The following TBC1D14 variants were observed in gnomAD, a reference collection of about 807,000 sequenced individuals.
TBC1D14 encodes the protein TBC1 domain family member 14, also known as TBC1 domain family, member 14.
TBC1D14 carries 26 observed loss-of-function variants against 79.0 expected under a neutral mutation model. The ratio of observed to expected loss-of-function variants is 0.33; its 90% CI spans 0.24 to 0.46. The LOEUF (loss-of-function observed/expected upper bound fraction) is 0.46. Ranked by LOEUF, TBC1D14 falls within the 20% of genes least tolerant of loss-of-function variation. The pLI, the probability that TBC1D14 is intolerant of heterozygous loss-of-function variation, is 1.00. For missense variants in TBC1D14, 769 were observed against 887.6 expected (o/e 0.87, Z 1.70); for synonymous variants, 394 against 349.9 (o/e 1.13, Z -1.40).
intron 2 of TBC1D14, among the ~76,000 whole-genome samples, chr4:6,956,847 A>G (rs1006461189): frequency 1.3e-5 from 2 of 152,166 alleles, no homozygotes; most frequent in Non-Finnish European, 2.9e-5. Context: ...CCTTCTCACC[A>G]AGAGAGCCGC....
Position 6,989,789 on chromosome 4 carries a change from A to G in TBC1D14, c.844-4395A>G, listed in dbSNP as rs566069125. ...CATGAGACTGGGGCTCTGCTCAGGC[A>G]CCCTGCCTCCCTGCCTTTTTTCTTC... On this transcript the variant is annotated intron_variant, in intron 3 of 13. Transcript: ENST00000409757. Among the ~76,000 whole-genome samples, 30 of 152,090 alleles carry G rather than the reference A, an allele frequency of 2.0e-4. 2 individuals carry two copies. The South Asian group carries it at 6.2e-3, about 32-fold the overall frequency.
chr4:6,967,471 G>A (rs1228244523), intron 3 of TBC1D14, 47 bp downstream of exon 3: 1 of 1,597,700 alleles, frequency 6.3e-7, no homozygotes, highest in Non-Finnish European at 8.5e-7. Context: ...GATGTGTTTA[G>A]CATATATTCA....
intron 11 of TBC1D14, among the ~76,000 whole-genome samples, chr4:7,011,383 G>A (rs948948481): frequency 3.9e-5 from 6 of 152,084 alleles, no homozygotes; most frequent in South Asian, 2.1e-4. Flanking sequence ...AGCCCTCTGC[G>A]CAGTTCAGGT....
At chr4:6,981,650 C>T (rs1266972831) in intron 3 of TBC1D14, among the ~76,000 whole-genome samples, 5 of 152,172 alleles carry the variant, frequency 3.3e-5, no homozygotes, top group African/African-American at 9.6e-5. Flanking sequence ...AATTGAATCC[C>T]ATAATACATT....
intron 3 of TBC1D14, among the ~76,000 whole-genome samples, chr4:6,979,301 C>T (rs567142882): frequency 5.5e-4 from 84 of 152,260 alleles, no homozygotes; most frequent in African/African-American, 1.9e-3. Context: ...TTGTGTGTCT[C>T]AATACTCAGT....
chr4:7,010,263 G>C (rs1228890971), intron 10 of TBC1D14, among the ~76,000 whole-genome samples: 1 of 152,240 alleles, frequency 6.6e-6, no homozygotes, highest in Admixed American at 6.5e-5. Flanking sequence ...AAGCACTGCT[G>C]ATACTTCTGT....
chr4:6,923,645 G>C lies in TBC1D14; in HGVS notation c.256G>C (p.Val86Leu), dbSNP rs570309392. The change falls in exon 2 of 14, where the codon GTG becomes CTG. Residue 86 changes from valine (V) to leucine (L), a missense_variant. Around this residue, in one of 2 missense-constraint regions of TBC1D14, gnomAD observed 402 missense variants for 393.2 expected, o/e 1.02. Transcript: ENST00000409757. ...PEPVPCSAVHVRRKQSDSDLI... is the reference protein window; with the variant it reads ...PEPVPCSAVHLRRKQSDSDLI... ...GCCTGTACCCTGCAGCGCGGTCCAC[G>C]TGAGGAGGAAGCAGTCCGACTCCGA... is the stretch of plus-strand genomic sequence containing the variant. 3 of 1,613,846 alleles carry C rather than the reference G, an allele frequency of 1.9e-6. No individual in the cohort carries two copies. The highest frequency in any genetic ancestry group is 1.3e-5 in the African/African-American group (1 of 74,962).
chr4:6,912,405 TAAA>T (rs989738893), intron 1 of TBC1D14, among the ~76,000 whole-genome samples: 15 of 151,478 alleles, frequency 9.9e-5, no homozygotes, highest in African/African-American at 3.4e-4. Flanking sequence ...ATAAAAAAAA[TAAA>T]AAAATAAAAA....
intron 13 of TBC1D14, among the ~76,000 whole-genome samples, chr4:7,027,575 C>T (rs1182624348): frequency 2.7e-5 from 4 of 148,186 alleles, no homozygotes; most frequent in Admixed American, 6.7e-5. Context: ...CCGACACGCA[C>T]ATCACACACC....
intron 2 of TBC1D14, among the ~76,000 whole-genome samples, chr4:6,925,046 A>G (rs188547518): frequency 2.0e-4 from 30 of 152,190 alleles, no homozygotes; most frequent in East Asian, 1.4e-3. Flanking sequence ...TAATCTCAAC[A>G]CTTTGGGAGG....
intron 13 of TBC1D14, among the ~76,000 whole-genome samples, chr4:7,027,703 C>G (rs12646699): frequency 0.83 from 72,077 of 87,362 alleles, 29,696 homozygotes; most frequent in East Asian, 0.95. Context: ...ACCCCCCACA[C>G]ATCACACAAC....
chr4:7,006,723 G>A lies in TBC1D14; in HGVS notation c.1443G>A (p.Gln481=). The A allele has an allele frequency of 6.2e-7, 1 of 1,613,154 alleles. No individual in the cohort carries two copies. Among genetic ancestry groups the A allele is most frequent in the African/African-American group, 1.3e-5 (1 of 75,022 alleles). The change falls in exon 9 of 14, where the codon CAG becomes CAA. Residue 481 remains glutamine, a synonymous_variant. Transcript: ENST00000409757. ...SRTFPNLCIF[Q]QGGPYHDMLH... ...CATTTCCTAATCTCTGCATTTTCCAGCAAGTAAGTGGTGGTGACTTGTTGC... is the reference window on the plus strand; with the variant it reads ...CATTTCCTAATCTCTGCATTTTCCAACAAGTAAGTGGTGGTGACTTGTTGC...
chr4:7,019,764 A>G (rs1243027148), intron 12 of TBC1D14, among the ~76,000 whole-genome samples: 197 of 75,026 alleles, frequency 2.6e-3, no homozygotes, highest in Middle Eastern at 0.018. Context: ...GGCTCAGGTC[A>G]GGGAGGACTC....
At chr4:6,920,060 G>A (rs1044667439) in intron 1 of TBC1D14, among the ~76,000 whole-genome samples, 6 of 151,706 alleles carry the variant, frequency 4.0e-5, no homozygotes, top group Non-Finnish European at 7.4e-5. Context: ...GACTACAGGT[G>A]TGCACTACCA....
At position 6,923,834 on chromosome 4, in the gene TBC1D14, A is replaced by G. The variant is rs1469518487; in HGVS notation, c.445A>G (p.Thr149Ala). ...CTATAGCCCGACCTCCAAAGCCCTG[A>G]CCCGCAGCGATGATGTCTCCGTCTG... ...KLYSPTSKALTRSDDVSVCSV... is the reference protein window; with the variant it reads ...KLYSPTSKALARSDDVSVCSV... The change falls in exon 2 of 14, where the codon ACC (threonine) becomes GCC (alanine). Residue 149 changes from threonine to alanine, a missense_variant. Coordinates refer to ENST00000409757, the MANE Select transcript of TBC1D14 (RefSeq NM_020773.3). The G allele has an allele frequency of 6.2e-7, 1 of 1,614,068 alleles. No homozygotes were observed. Among genetic ancestry groups the G allele is most frequent in the South Asian group, 1.1e-5 (1 of 91,074 alleles).
Position 7,014,691 on chromosome 4 carries a change from G to T in TBC1D14, c.1757+134G>T, listed in dbSNP as rs1721110300. The stretch of plus-strand genomic sequence containing the variant: ...CTTTCCAGCCTTCCCTGATGGCCCT[G>T]CCCTTGAGTTTTATTTCCATCAGTG... On this transcript the variant is annotated intron_variant, in intron 12 of 13. Coordinates refer to ENST00000409757, the MANE Select transcript of TBC1D14 (RefSeq NM_020773.3). 4 of 636,986 alleles carry T rather than the reference G, an allele frequency of 6.3e-6. No homozygotes were observed. The East Asian group carries it at 8.4e-5, about 13-fold the overall frequency. 39.5% of individuals were successfully genotyped at this position (636,986 alleles called of 1,614,324 possible). A position where few individuals can be genotyped will look rare whatever the true frequency, so the allele number is the denominator to read the frequency against.
chr4:7,025,315 G>A (rs1478805751), intron 13 of TBC1D14, 53 bp downstream of exon 13: 2 of 1,602,434 alleles, frequency 1.2e-6, no homozygotes, highest in African/African-American at 2.7e-5. Context: ...CAAGTGGCGC[G>A]ACTCAGGAAG....
chr4:7,029,199 G>A (rs1030639229), intron 13 of TBC1D14, among the ~76,000 whole-genome samples: 17 of 152,224 alleles, frequency 1.1e-4, no homozygotes, highest in Non-Finnish European at 2.4e-4. Flanking sequence ...TTTACTTCAA[G>A]ATGCAGGGGG....
At chr4:6,911,354 G>T (rs1362262763) in intron 1 of TBC1D14, among the ~76,000 whole-genome samples, 1 of 152,224 alleles carries the variant, frequency 6.6e-6, no homozygotes, top group Non-Finnish European at 1.5e-5. Context: ...AGAGTAACTG[G>T]CTGGGAGCCA....
Sources: allele counts gnomAD v4.1 joint callset (sites outside exome capture counted in the v4.1 genomes callset), GRCh38; gene constraint gnomAD v4.1.1; regional missense constraint gnomAD v4.1.1; transcripts MANE v1.5; gene names NCBI Gene and HGNC (gene_info 2026-07-23, HGNC 2026-07-21).